SLC22A24: variants seen among roughly 807,000 people sequenced by gnomAD.
SLC22A24 encodes steroid transmembrane transporter SLC22A24.
In SLC22A24, 53 loss-of-function variants were observed where a neutral mutation model predicts 49.8. That is an observed-to-expected ratio of 1.06 (90% CI 0.85 to 1.34). SLC22A24 has a LOEUF of 1.34. Ranked by LOEUF, SLC22A24 falls within the 40% of genes most tolerant of loss-of-function variation. SLC22A24 has a pLI of 0.00. For synonymous variants in SLC22A24, 302 were observed against 256.4 expected (o/e 1.18, Z -1.70); for missense variants, 786 against 675.9 (o/e 1.16, Z -1.81).
intron 2 of SLC22A24, among the ~76,000 whole-genome samples, chr11:63,124,005 A>G (rs555487760): frequency 6.6e-6 from 1 of 152,310 alleles, no homozygotes; most frequent in South Asian, 2.1e-4. Flanking sequence ...ACCACCAGAT[A>G]GGAGTCAAGG....
At chr11:63,098,293 A>G (rs1210566991) in intron 5 of SLC22A24, among the ~76,000 whole-genome samples, 1 of 152,198 alleles carries the variant, frequency 6.6e-6, no homozygotes. Flanking sequence ...GACACACAAC[A>G]TACCAAAACC....
rs1027055464 is a variant in SLC22A24 at position 63,104,177 on chromosome 11, C to G, written c.952G>C (p.Glu318Gln). The change falls in exon 5 of 10, where the codon GAG (glutamate) becomes CAG (glutamine). Residue 318 changes from glutamate to glutamine, a missense_variant and splice_region_variant. Glu to Gln is a conservative substitution (Grantham distance 29, BLOSUM62 2). Transcript: ENST00000612278. ...KKNTEETLTT[E>Q]LVRSTMKKEL... is the part of the protein sequence containing the mutation. ...ATCATTTCCCCTTTCCAGATCACCT[C>G]AGTGGTCAGTGTCTCTTCAGTATTC... 4 of 1,549,426 alleles carry G rather than the reference C, an allele frequency of 2.6e-6. No homozygotes were observed. In the African/African-American group the frequency reaches 4.1e-5, roughly 16 times the overall value.
At chr11:63,114,408 G>C (rs2087197490) in intron 4 of SLC22A24, among the ~76,000 whole-genome samples, 1 of 152,064 alleles carries the variant, frequency 6.6e-6, no homozygotes, top group Non-Finnish European at 1.5e-5. Context: ...ATGGTTTTCA[G>C]CTCCATCAGG....
intron 1 of SLC22A24, among the ~76,000 whole-genome samples, chr11:63,136,260 G>C (rs1266870957): frequency 6.6e-6 from 1 of 152,154 alleles, no homozygotes; most frequent in African/African-American, 2.4e-5. Context: ...AAAAGGTCAT[G>C]GTCACTGTTT....
Position 63,091,531 on chromosome 11 carries a change from C to G in SLC22A24, c.1070+4460G>C, listed in dbSNP as rs533554473. Among the ~76,000 whole-genome samples the G allele has an allele frequency of 2.0e-5, 3 of 152,322 alleles. No homozygotes were observed. In the South Asian group the frequency reaches 6.2e-4, roughly 32 times the overall value. On this transcript the variant is annotated intron_variant, in intron 6 of 9. Transcript: ENST00000612278. ...CAATAAAATACTGTCAAACTGAATT[C>G]AGCAGCACATCAAAAAGCTTATCCA...
In SLC22A24 at chr11:63,144,032, G is replaced by C. The variant is rs1271276530; in HGVS notation, c.-253C>G. On this transcript the variant is annotated 5_prime_UTR_variant, in exon 1 of 10. Coordinates refer to ENST00000612278, the MANE Select transcript of SLC22A24 (RefSeq NM_001136506.2). ...CACAGATATAATTATTTGGCAAAGA[G>C]ACTGCTAGCTGTTGACAACTGAATC... 3.1e-6 allele frequency: 1 copy of C among 327,366 alleles called. No homozygotes were observed. Among genetic ancestry groups the C allele is most frequent in the Admixed American group, 4.9e-5 (1 of 20,542 alleles). 20.3% of individuals were successfully genotyped at this position (327,366 alleles called of 1,614,324 possible). A position where few individuals can be genotyped will look rare whatever the true frequency, so the allele number is the denominator to read the frequency against.
intron 1 of SLC22A24, among the ~76,000 whole-genome samples, chr11:63,141,028 C>G (rs912562896): frequency 6.6e-6 from 1 of 152,174 alleles, no homozygotes; most frequent in Non-Finnish European, 1.5e-5. Flanking sequence ...ACTAATCATA[C>G]TGATGTGGGG....
At position 63,099,371 on chromosome 11, in the gene SLC22A24, A is replaced by ATTTTTTTTTTTTTTTTTTTT. The variant is rs56708217; in HGVS notation, c.955-3285_955-3266dup. Among the ~76,000 whole-genome samples, 121 of 52,342 alleles carry ATTTTTTTTTTTTTTTTTTTT rather than the reference A, an allele frequency of 2.3e-3. 13 individuals are homozygous for ATTTTTTTTTTTTTTTTTTTT. Among genetic ancestry groups the ATTTTTTTTTTTTTTTTTTTT allele is most frequent in the African/African-American group, 2.6e-3 (35 of 13,520 alleles). The allele number at this position is 52,342 out of a possible 152,430, so 34.3% of individuals were successfully genotyped here. Reference sequence around the variant, plus strand: ...CCACCACACCTGGCTAATTTTTAAGATTTTTTTTTTTTTTTTTTTTTTTTT... The same window carrying ATTTTTTTTTTTTTTTTTTTT: ...CCACCACACCTGGCTAATTTTTAAGATTTTTTTTTTTTTTTTTTTTTTTTTTTTTTTTTTTTTTTTTTTTT... On this transcript the variant is annotated intron_variant, in intron 5 of 9. Transcript: ENST00000612278.
chr11:63,132,413 G>A (rs552203434), intron 2 of SLC22A24, among the ~76,000 whole-genome samples: 2 of 152,126 alleles, frequency 1.3e-5, no homozygotes, highest in African/African-American at 4.8e-5. Flanking sequence ...CCTCATCTTT[G>A]TGGTTTTATC....
At chr11:63,093,985 T>TA (rs34652388) in intron 6 of SLC22A24, among the ~76,000 whole-genome samples, 138,410 of 151,384 alleles carry the variant, frequency 0.91, 64,495 homozygotes, top group Non-Finnish European at 0.99. Context: ...TTCCTGTATT[T>TA]AAAAAAAAAT....
rs1183413728 is a variant in SLC22A24, at chr11:63,119,192, G to C, written c.650C>G (p.Thr217Ser). ...AATTATTGACTTACTGAGAATAAAAGTGTTTCCCAAAATAGTCATGGTGGA... is the reference window on the plus strand; with the variant it reads ...AATTATTGACTTACTGAGAATAAAACTGTTTCCCAAAATAGTCATGGTGGA... ...GFSTMTILGN[T>S]FILSLEWTLP... The change falls in exon 3 of 10, where the codon ACT becomes AGT. Residue 217 changes from threonine to serine, a missense_variant. Physicochemically the swap from Thr to Ser is moderately conservative, Grantham distance 58. Transcript: ENST00000612278. 7 of 1,542,096 alleles carry C rather than the reference G, an allele frequency of 4.5e-6. No individual in the cohort carries two copies. Among genetic ancestry groups the C allele is most frequent in the Non-Finnish European group, 6.1e-6 (7 of 1,144,084 alleles).
intron 1 of SLC22A24, among the ~76,000 whole-genome samples, chr11:63,136,252 A>C (rs1358333262): frequency 6.6e-6 from 1 of 152,132 alleles, no homozygotes; most frequent in Non-Finnish European, 1.5e-5. Flanking sequence ...GCACGAAAAA[A>C]AGGTCATGGT....
chr11:63,112,840 C>A (rs901673806), intron 4 of SLC22A24, among the ~76,000 whole-genome samples: 1 of 150,328 alleles, frequency 6.7e-6, no homozygotes, highest in African/African-American at 2.5e-5. Flanking sequence ...GGTGAAACCC[C>A]GTCTCTACTA....
intron 4 of SLC22A24, among the ~76,000 whole-genome samples, chr11:63,113,189 C>T (rs1159436484): frequency 5.1e-4 from 4 of 7,840 alleles, no homozygotes; most frequent in African/African-American, 1.0e-3. Context: ...TATATATATA[C>T]ACATATATAT....
At chr11:63,095,288 G>T (rs1046324646) in intron 6 of SLC22A24, among the ~76,000 whole-genome samples, 1 of 151,854 alleles carries the variant, frequency 6.6e-6, no homozygotes, top group African/African-American at 2.4e-5. Context: ...TTAAACCCAG[G>T]AATTCATAAT....
At chr11:63,089,285 G>A (rs934804418) in intron 6 of SLC22A24, among the ~76,000 whole-genome samples, 1 of 152,142 alleles carries the variant, frequency 6.6e-6, no homozygotes, top group Non-Finnish European at 1.5e-5. Context: ...TTAAAGAAAA[G>A]AATTTTCAAC....
intron 6 of SLC22A24, among the ~76,000 whole-genome samples, chr11:63,095,301 C>T (rs935170963): frequency 2.6e-5 from 4 of 151,834 alleles, no homozygotes; most frequent in Admixed American, 2.0e-4. Context: ...TTCATAATAG[C>T]CCACAAGTGG....
rs56708217 is a variant in SLC22A24 at position 63,099,371 on chromosome 11, ATTTTTTTTTTTTT to A, written c.955-3278_955-3266del. Reference sequence around the variant, plus strand: ...CCACCACACCTGGCTAATTTTTAAGATTTTTTTTTTTTTTTTTTTTTTTTTTTTTGTAGAGATA... The same window carrying A: ...CCACCACACCTGGCTAATTTTTAAGATTTTTTTTTTTTTTTTGTAGAGATA... On this transcript the variant is annotated intron_variant, in intron 5 of 9. Coordinates refer to ENST00000612278, the MANE Select transcript of SLC22A24 (RefSeq NM_001136506.2). Among the ~76,000 whole-genome samples the A allele has an allele frequency of 3.1e-4, 16 of 52,336 alleles. 1 individual carries two copies. Among genetic ancestry groups the A allele is most frequent in the Admixed American group, 1.2e-3 (3 of 2,600 alleles). 34.3% of individuals were successfully genotyped at this position (52,336 alleles called of 152,430 possible). A position where few individuals can be genotyped will look rare whatever the true frequency, so the allele number is the denominator to read the frequency against.
chr11:63,081,208 C>A (rs2086958168), intron 8 of SLC22A24, 85 bp from the exon 9 acceptor site: 5 of 1,147,104 alleles, frequency 4.4e-6, no homozygotes, highest in Non-Finnish European at 6.2e-6. Flanking sequence ...TTATGGGGAC[C>A]AGTACAACAG....
Sources: gnomAD v4.1 joint callset for allele counts (sites outside exome capture counted in the v4.1 genomes callset) on GRCh38, gnomAD v4.1.1 for gene constraint, MANE v1.5 for transcripts, NCBI Gene and HGNC (gene_info 2026-07-23, HGNC 2026-07-21) for gene names.